Variants in MLH3 observed in about 807,000 individuals in gnomAD.
The protein encoded by MLH3 is mutL homolog 3, also known as DNA mismatch repair protein Mlh3.
In MLH3, 82 loss-of-function variants were observed where a neutral mutation model predicts 122.2. That is an observed-to-expected ratio of 0.67 (90% CI 0.56 to 0.81). The LOEUF (loss-of-function observed/expected upper bound fraction) is 0.81. Among genes scored for constraint, MLH3 ranks in the 30% least tolerant of loss-of-function variants. The pLI is 0.00. For synonymous variants in MLH3, 524 were observed against 599.5 expected (o/e 0.87, Z 1.84); for missense variants, 1,539 against 1,714.5 (o/e 0.90, Z 1.81).
chr14:75,033,324 G>T, intron 7 of MLH3, 95 bp downstream of exon 7: 1 of 942,444 alleles, frequency 1.1e-6, no homozygotes, highest in Non-Finnish European at 1.7e-6. Context: ...TACAAAGTGT[G>T]CTTTCTCACA....
At position 75,016,981 on chromosome 14, in the gene MLH3, C is replaced by A. The variant is rs1889923749; in HGVS notation, c.*101G>T. ...GTCTAAGCTGCTCAGGGACACTGGG[C>A]TGATTCAGTCAGGGCCGTGCTGGTA... On this transcript the variant is annotated 3_prime_UTR_variant, in exon 13 of 13. Coordinates refer to ENST00000355774, the MANE Select transcript of MLH3 (RefSeq NM_001040108.2). 3 of 1,419,786 alleles carry A rather than the reference C, an allele frequency of 2.1e-6. No homozygotes were observed. Among genetic ancestry groups the A allele is most frequent in the Admixed American group, 1.7e-5 (1 of 59,164 alleles). 87.9% of individuals were successfully genotyped at this position (1,419,786 alleles called of 1,614,324 possible).
At chr14:75,051,344 C>T (rs949922931) in intron 1 of MLH3, 36 bp downstream of exon 1, 3 of 152,278 alleles carry the variant, frequency 2.0e-5, no homozygotes, top group Non-Finnish European at 4.4e-5. Flanking sequence ...GAGACCCCGG[C>T]ATCATCTTTT....
chr14:75,029,663 G>A (rs984758215), intron 9 of MLH3, among the ~76,000 whole-genome samples: 2 of 152,028 alleles, frequency 1.3e-5, no homozygotes, highest in Non-Finnish European at 2.9e-5. Context: ...AGCCTCCTGA[G>A]TAGCTGGGAT....
intron 9 of MLH3, among the ~76,000 whole-genome samples, chr14:75,030,252 C>T (rs577193693): frequency 6.6e-6 from 1 of 152,306 alleles, no homozygotes; most frequent in South Asian, 2.1e-4. Flanking sequence ...TTCCATAACA[C>T]TTCTGAAAAA....
chr14:75,017,313 C>G (rs1054099734), intron 12 of MLH3, 112 bp from the exon 13 acceptor site: 1 of 1,096,336 alleles, frequency 9.1e-7, no homozygotes, highest in Admixed American at 1.8e-5. Flanking sequence ...CCAAGGCAGG[C>G]GGATCACAAG....
rs28756998 is a variant in MLH3, at chr14:75,045,049, G to A, written c.3280+1327C>T. On this transcript the variant is annotated intron_variant, in intron 2 of 12. Transcript: ENST00000355774. ...GTGGTACGATCTAAAAGCTATATTGGTTGGGTGCAGTGGCTCACGCCTATA... is the reference window on the plus strand; with the variant it reads ...GTGGTACGATCTAAAAGCTATATTGATTGGGTGCAGTGGCTCACGCCTATA... 5.9e-3 allele frequency among the ~76,000 whole-genome samples: 904 copies of A among 152,310 alleles called. 8 individuals carry two copies. The highest frequency in any genetic ancestry group is 0.021 in the African/African-American group (870 of 41,558).
chr14:75,045,069 C>T (rs1403065469), intron 2 of MLH3, among the ~76,000 whole-genome samples: 1 of 152,206 alleles, frequency 6.6e-6, no homozygotes, highest in Admixed American at 6.5e-5. Flanking sequence ...GTGGCTCACG[C>T]CTATAATCCC....
In MLH3 at chr14:75,047,924, G is replaced by C; in HGVS notation, c.1732C>G (p.Gln578Glu). ...TCTTTTTTTTTCTCTTTCTCTGTCT[G>C]AGCACTATGTACTCCCCATAATGTT... ...ATTLWGVHSA[Q>E]TEKEKKKESS... The change falls in exon 2 of 13, where the codon CAG becomes GAG. Residue 578 changes from glutamine to glutamate, a missense_variant. Coordinates refer to ENST00000355774, the MANE Select transcript of MLH3 (RefSeq NM_001040108.2). 1.2e-6 allele frequency: 2 copies of C among 1,613,662 alleles called. No individual in the cohort carries two copies. Among genetic ancestry groups the C allele is most frequent in the Non-Finnish European group, 1.7e-6 (2 of 1,179,922 alleles).
At chr14:75,029,806 A>G (rs566119714) in intron 9 of MLH3, among the ~76,000 whole-genome samples, 2 of 152,224 alleles carry the variant, frequency 1.3e-5, no homozygotes, top group East Asian at 3.9e-4. Flanking sequence ...AAGTGCTGGC[A>G]TTACAGGTGT....
At chr14:75,033,887 G>A (rs959515586) in intron 6 of MLH3, among the ~76,000 whole-genome samples, 1 of 152,016 alleles carries the variant, frequency 6.6e-6, no homozygotes, top group South Asian at 2.1e-4. Flanking sequence ...TAGTTCACCA[G>A]CATCTCATTT....
Position 75,025,697 on chromosome 14 carries a change from T to C in MLH3, c.3988-2679A>G, listed in dbSNP as rs146239528. 6.2e-4 allele frequency among the ~76,000 whole-genome samples: 94 copies of C among 152,294 alleles called. No homozygotes were observed. The East Asian group carries it at 0.017, about 28-fold the overall frequency. Reference sequence around the variant, plus strand: ...TATATATATACTGTTAACTCTCAGATAGATATGTACAGCCCAGATTTATTT... The same window carrying C: ...TATATATATACTGTTAACTCTCAGACAGATATGTACAGCCCAGATTTATTT... On this transcript the variant is annotated intron_variant, in intron 9 of 12. Coordinates refer to ENST00000355774, the MANE Select transcript of MLH3 (RefSeq NM_001040108.2).
intron 2 of MLH3, among the ~76,000 whole-genome samples, chr14:75,044,419 A>G (rs961254713): frequency 6.6e-6 from 1 of 152,238 alleles, no homozygotes; most frequent in African/African-American, 2.4e-5. Context: ...AGCAACAGCC[A>G]TCTCACAGTA....
chr14:75,022,821 G>A lies in MLH3; in HGVS notation c.4083C>T (p.Ala1361=). Residue 1361 remains alanine, a synonymous_variant, in exon 11 of 13, where the codon GCC becomes GCT. Transcript: ENST00000355774. The part of the protein sequence containing the change: ...LTVQKVLASQ[A]CHGAIKFNDG... ...CTATGTTGAAGGGCTTACCATGGCA[G>A]GCTTGGGATGCCAACACCTTCTGGA... The A allele has an allele frequency of 6.2e-7, 1 of 1,614,096 alleles. No individual in the cohort carries two copies. The highest frequency in any genetic ancestry group is 8.5e-7 in the Non-Finnish European group (1 of 1,179,936).
chr14:75,020,250 C>T (rs148411660), intron 11 of MLH3, among the ~76,000 whole-genome samples: 9 of 152,286 alleles, frequency 5.9e-5, no homozygotes, highest in African/African-American at 1.9e-4. Context: ...GGCCAAATCA[C>T]GAAGACCCTT....
chr14:75,039,225 A>G (rs1460969146), intron 5 of MLH3, among the ~76,000 whole-genome samples: 1 of 152,118 alleles, frequency 6.6e-6, no homozygotes, highest in Non-Finnish European at 1.5e-5. Flanking sequence ...CTCTCTGTCT[A>G]GGTACTTGAG....
At position 75,046,797 on chromosome 14, in the gene MLH3, T is replaced by C. The variant is rs750866833; in HGVS notation, c.2859A>G (p.Thr953=). The C allele has an allele frequency of 1.2e-6, 2 of 1,614,168 alleles. No individual in the cohort carries two copies. Among genetic ancestry groups the C allele is most frequent in the South Asian group, 2.2e-5 (2 of 91,090 alleles). Residue 953 remains threonine, a synonymous_variant, in exon 2 of 13, where the codon ACA becomes ACG. Coordinates refer to ENST00000355774, the MANE Select transcript of MLH3 (RefSeq NM_001040108.2). ...QDNSFNKNSK[T]HSNSNTTENC... ...TCTCTGTTGTATTGCTGTTAGAATG[T>C]GTTTTACTATTTTTATTAAAGGAAT...
chr14:75,038,294 CAAG>C, intron 6 of MLH3, 43 bp downstream of exon 6: 1 of 1,307,426 alleles, frequency 7.6e-7, no homozygotes, highest in Non-Finnish European at 1.1e-6. Context: ...AAAAAGGTTA[CAAG>C]AAGACCAGCT....
rs764275950 is a variant in MLH3 at position 75,049,680 on chromosome 14, G to T, written c.-25C>A. The T allele has an allele frequency of 3.7e-6, 6 of 1,607,604 alleles. No homozygotes were observed. The highest frequency in any genetic ancestry group is 5.1e-6 in the Non-Finnish European group (6 of 1,176,280). On this transcript the variant is annotated 5_prime_UTR_variant, in exon 2 of 13. Coordinates refer to ENST00000355774, the MANE Select transcript of MLH3 (RefSeq NM_001040108.2). ...TGGTAGGTAGAAAGATGGTGAGAAT[G>T]CCAGGCACTGGTTTCCTTCTCTGAC...
intron 8 of MLH3, 131 bp from the exon 9 acceptor site, chr14:75,030,833 C>A (rs2139390981): frequency 2.7e-6 from 2 of 751,668 alleles, no homozygotes; most frequent in Admixed American, 2.4e-5. Flanking sequence ...TTGTTTTTCT[C>A]ACACTTATGT....
Sources: gnomAD v4.1 joint callset for allele counts (sites outside exome capture counted in the v4.1 genomes callset) on GRCh38, gnomAD v4.1.1 for gene constraint, MANE v1.5 for transcripts, NCBI Gene and HGNC (gene_info 2026-07-23, HGNC 2026-07-21) for gene names.